The following PTPRT variants were observed in gnomAD, a reference collection of about 807,000 sequenced individuals.
PTPRT encodes protein tyrosine phosphatase receptor type T.
PTPRT carries 56 observed loss-of-function variants against 176.8 expected under a neutral mutation model. That is an observed-to-expected ratio of 0.32 (90% confidence interval 0.26 to 0.40). The LOEUF (loss-of-function observed/expected upper bound fraction) is 0.40. PTPRT is among the 10% of genes least tolerant of loss of function. The pLI, the probability that PTPRT is intolerant of heterozygous loss-of-function variation, is 1.00. For synonymous variants in PTPRT, 783 were observed against 739.0 expected, an observed-to-expected ratio of 1.06 and a Z score of -0.96; for missense variants, 1,540 against 1,908.2, an observed-to-expected ratio of 0.81 and a Z score of 3.60.
chr20:42,633,988 TATTATATATATTA>T (rs2074500836), intron 7 of PTPRT, among the ~76,000 whole-genome samples: 1 of 23,198 alleles, frequency 4.3e-5, no homozygotes, highest in African/African-American at 2.3e-4. Flanking sequence ...TTATATATTA[TATTATATATATTA>T]TATATATATA....
chr20:42,046,778 A>AGTGT, the PTPRT span, among the ~76,000 whole-genome samples: 15 of 150,706 alleles, frequency 1.0e-4, no homozygotes, highest in Admixed American at 1.3e-4. Context: ...TTGTCATGTG[A>AGTGT]GTGTGTGTGT....
intron 11 of PTPRT, among the ~76,000 whole-genome samples, chr20:42,328,080 C>T (rs1285866549): frequency 6.6e-6 from 1 of 152,064 alleles, no homozygotes; most frequent in African/African-American, 2.4e-5. Flanking sequence ...AAAATAGGAA[C>T]TTACCTTATA....
At chr20:42,916,886 A>G (rs1326441394) in intron 1 of PTPRT, among the ~76,000 whole-genome samples, 1 of 152,138 alleles carries the variant, frequency 6.6e-6, no homozygotes, top group Admixed American at 6.5e-5. Context: ...AGTAGGTTGC[A>G]AAAATTTTCT....
At chr20:42,224,983 C>T (rs1286263237) in intron 15 of PTPRT, among the ~76,000 whole-genome samples, 1 of 152,212 alleles carries the variant, frequency 6.6e-6, no homozygotes, top group African/African-American at 2.4e-5. Flanking sequence ...CCAGCTCTTT[C>T]TCTGCCCACC....
intron 7 of PTPRT, among the ~76,000 whole-genome samples, chr20:42,598,903 C>T (rs1025755129): frequency 6.6e-6 from 1 of 152,188 alleles, no homozygotes; most frequent in Non-Finnish European, 1.5e-5. Context: ...GGGCCTGCCA[C>T]AGAGTACTTC....
chr20:42,729,430 C>T (rs73907252), intron 6 of PTPRT, among the ~76,000 whole-genome samples: 15,198 of 152,164 alleles, frequency 0.1, 1,239 homozygotes, highest in African/African-American at 0.22. Context: ...TCCACTTGCC[C>T]GTGGAGTCCT....
chr20:42,399,298 C>A (rs1364751417), intron 9 of PTPRT, among the ~76,000 whole-genome samples: 2 of 152,214 alleles, frequency 1.3e-5, no homozygotes, highest in Middle Eastern at 3.2e-3. Flanking sequence ...TGCATTGTAA[C>A]AGATTATCTA....
chr20:42,512,724 GT>G (rs1424973987), intron 7 of PTPRT, among the ~76,000 whole-genome samples: 1 of 152,028 alleles, frequency 6.6e-6, no homozygotes, highest in African/African-American at 2.4e-5. Flanking sequence ...TGCATACACT[GT>G]TCTGCATTTT....
At chr20:42,181,159 T>C (rs528872604) in intron 16 of PTPRT, among the ~76,000 whole-genome samples, 2 of 152,310 alleles carry the variant, frequency 1.3e-5, no homozygotes, top group African/African-American at 4.8e-5. Context: ...TAAGAGTAAA[T>C]TGACTTTTCA....
At chr20:42,875,663 A>G (rs1274158629) in intron 2 of PTPRT, among the ~76,000 whole-genome samples, 1 of 152,200 alleles carries the variant, frequency 6.6e-6, no homozygotes, top group Non-Finnish European at 1.5e-5. Context: ...TGGAAGGTGA[A>G]AACTAACTCT....
chr20:42,459,283 C>A (rs914401151), intron 8 of PTPRT, among the ~76,000 whole-genome samples: 1 of 152,124 alleles, frequency 6.6e-6, no homozygotes, highest in African/African-American at 2.4e-5. Context: ...CAGAGGCAAA[C>A]AAAAGTGGGA....
Position 42,319,172 on chromosome 20 carries a change from G to C in PTPRT, c.1866-3176C>G, listed in dbSNP as rs138774140. ...TCAAAAGCCAGATTACACATGAGGA[G>C]GCTGAGGCCGAGAGGTCAAGTGATT... On this transcript the variant is annotated intron_variant, in intron 11 of 30. Coordinates refer to ENST00000373187, the MANE Select transcript of PTPRT (RefSeq NM_007050.6). Among the ~76,000 whole-genome samples, 725 of 152,182 alleles carry C rather than the reference G, an allele frequency of 4.8e-3. 4 individuals are homozygous for C. Among genetic ancestry groups the C allele is most frequent in the Non-Finnish European group, 5.5e-3 (371 of 68,028 alleles).
chr20:42,951,086 T>A (rs1981210595), intron 1 of PTPRT, among the ~76,000 whole-genome samples: 1 of 152,166 alleles, frequency 6.6e-6, no homozygotes, highest in African/African-American at 2.4e-5. Context: ...TGAATAGAAA[T>A]AAAATGATAG....
chr20:42,393,811 G>A (rs965017587), intron 9 of PTPRT, among the ~76,000 whole-genome samples: 6 of 151,990 alleles, frequency 3.9e-5, no homozygotes, highest in Admixed American at 6.5e-5. Flanking sequence ...TTTACATATC[G>A]TGGCGATATT....
Position 42,315,990 on chromosome 20 carries a change from A to G in PTPRT, c.1872T>C (p.Tyr624=). Reference sequence around the variant, plus strand: ...GTCGCTCCTCCTTGACAACCAGCTGATAAACACTGGACAGGAAAGAGGAGA... The same window carrying G: ...GTCGCTCCTCCTTGACAACCAGCTGGTAAACACTGGACAGGAAAGAGGAGA... ...AQSRGAPVSV[Y]QLVVKEERLQ... The change falls in exon 12 of 31, where the codon TAT becomes TAC. Residue 624 remains tyrosine (Y), a synonymous_variant. Coordinates refer to ENST00000373187, the MANE Select transcript of PTPRT (RefSeq NM_007050.6). The G allele has an allele frequency of 6.2e-7, 1 of 1,613,956 alleles. No homozygotes were observed. The highest frequency in any genetic ancestry group is 8.5e-7 in the Non-Finnish European group (1 of 1,179,918).
chr20:42,351,386 ATAAT>A (rs1412810148), intron 10 of PTPRT, among the ~76,000 whole-genome samples: 1 of 152,244 alleles, frequency 6.6e-6, no homozygotes, highest in Non-Finnish European at 1.5e-5. Context: ...AGGGGAATGT[ATAAT>A]TAAATTACGT....
At chr20:43,137,640 C>T (rs1174061174) in intron 1 of PTPRT, among the ~76,000 whole-genome samples, 2 of 152,132 alleles carry the variant, frequency 1.3e-5, no homozygotes, top group Non-Finnish European at 2.9e-5. Context: ...TCCTCTGGGG[C>T]GGCACCAACC....
At position 42,455,807 on chromosome 20, in the gene PTPRT, T is replaced by C. The variant is rs546129232; in HGVS notation, c.1451-7478A>G. Among the ~76,000 whole-genome samples the C allele has an allele frequency of 2.0e-5, 3 of 152,262 alleles. No homozygotes were observed. In the South Asian group the frequency reaches 6.2e-4, roughly 32 times the overall value. On this transcript the variant is annotated intron_variant, in intron 8 of 30. Transcript: ENST00000373187. Reference sequence around the variant, plus strand: ...TTGTTTCTGTTAGACTTTCCCTGTGTCAATACCACATCTTAATTAACAATG... The same window carrying C: ...TTGTTTCTGTTAGACTTTCCCTGTGCCAATACCACATCTTAATTAACAATG...
chr20:42,645,417 G>A (rs1012001947), intron 7 of PTPRT, among the ~76,000 whole-genome samples: 4 of 152,194 alleles, frequency 2.6e-5, no homozygotes, highest in African/African-American at 9.7e-5. Flanking sequence ...ATGAACCACA[G>A]TTGGCCACAA....
Sources: gnomAD v4.1 joint callset for allele counts (sites outside exome capture counted in the v4.1 genomes callset) on GRCh38, gnomAD v4.1.1 for gene constraint, MANE v1.5 for transcripts, NCBI Gene and HGNC (gene_info 2026-07-23, HGNC 2026-07-21) for gene names.